Variants in CSMD1 observed in about 807,000 individuals in gnomAD.
CSMD1 encodes CUB and sushi domain-containing protein 1.
A neutral mutation model predicts 417.5 loss-of-function variants in CSMD1; 213 were observed. The observed-to-expected ratio is 0.51, with a 90% CI of 0.46 to 0.57. The LOEUF (loss-of-function observed/expected upper bound fraction) is 0.57. Among genes scored for constraint, CSMD1 ranks in the 20% least tolerant of loss-of-function variants. The probability of loss-of-function intolerance (pLI) is 0.00; values close to 1 mark genes in which losing one functional copy is unlikely to be tolerated. For synonymous variants in CSMD1, 2,862 were observed against 1,736.8 expected, an observed-to-expected ratio of 1.65 and a Z score of -16.11; for missense variants, 6,923 against 4,529.7, an observed-to-expected ratio of 1.53 and a Z score of -15.17.
intron 1 of CSMD1, among the ~76,000 whole-genome samples, chr8:4,660,216 C>A (rs986454552): frequency 6.6e-6 from 1 of 151,618 alleles, no homozygotes; most frequent in African/African-American, 2.4e-5. Flanking sequence ...TGTAGAAAAC[C>A]CCAAGGAATC....
At chr8:4,448,181 G>A (rs943325644) in intron 2 of CSMD1, among the ~76,000 whole-genome samples, 6 of 152,040 alleles carry the variant, frequency 3.9e-5, no homozygotes, top group Non-Finnish European at 8.8e-5. Flanking sequence ...TAACCATAAT[G>A]TCTATTTTTA....
At chr8:4,804,599 A>G (rs1004309690) in intron 1 of CSMD1, among the ~76,000 whole-genome samples, 4 of 152,000 alleles carry the variant, frequency 2.6e-5, no homozygotes, top group African/African-American at 7.2e-5. Context: ...AAGGAAGGAA[A>G]GTACGAAGGA....
At chr8:4,115,927 G>A (rs1334935282) in intron 3 of CSMD1, among the ~76,000 whole-genome samples, 4 of 152,030 alleles carry the variant, frequency 2.6e-5, no homozygotes, top group Non-Finnish European at 4.4e-5. Context: ...ACTGGGGGCA[G>A]GGAGAAGTAA....
chr8:3,908,695 G>C (rs922599143), intron 5 of CSMD1, among the ~76,000 whole-genome samples: 1 of 152,140 alleles, frequency 6.6e-6, no homozygotes, highest in Admixed American at 6.5e-5. Flanking sequence ...CTCTGGTGAA[G>C]CAATCGCTTA....
chr8:3,954,047 G>C (rs1443916604), intron 5 of CSMD1, among the ~76,000 whole-genome samples: 2 of 152,148 alleles, frequency 1.3e-5, no homozygotes, highest in Admixed American at 6.5e-5. Flanking sequence ...CACATGCTTG[G>C]GAGCTCCTGT....
At chr8:3,321,004 C>T (rs531436824) in intron 23 of CSMD1, among the ~76,000 whole-genome samples, 1 of 152,116 alleles carries the variant, frequency 6.6e-6, no homozygotes, top group East Asian at 1.9e-4. Flanking sequence ...CCATCTCTTC[C>T]CCAAAAATGG....
intron 2 of CSMD1, among the ~76,000 whole-genome samples, chr8:4,486,431 T>G (rs1230044565): frequency 2.0e-5 from 3 of 151,284 alleles, no homozygotes; most frequent in Non-Finnish European, 4.4e-5. Flanking sequence ...TTAATTATAA[T>G]ATAGTTGTGA....
At chr8:3,845,526 T>C (rs769171925) in intron 5 of CSMD1, among the ~76,000 whole-genome samples, 48 of 152,170 alleles carry the variant, frequency 3.2e-4, no homozygotes, top group Admixed American at 3.3e-4. Flanking sequence ...TGAATGGAGC[T>C]TGCAGGACCA....
At chr8:4,667,070 C>T (rs1237582184) in intron 1 of CSMD1, among the ~76,000 whole-genome samples, 2 of 152,080 alleles carry the variant, frequency 1.3e-5, no homozygotes, top group African/African-American at 4.8e-5. Context: ...TCTACATGTA[C>T]AGGTCCAGTT....
At chr8:4,340,122 T>C (rs1800392540) in intron 3 of CSMD1, among the ~76,000 whole-genome samples, 1 of 152,122 alleles carries the variant, frequency 6.6e-6, no homozygotes, top group African/African-American at 2.4e-5. Context: ...TTTGTTAATC[T>C]CTCCTCTTTC....
intron 2 of CSMD1, among the ~76,000 whole-genome samples, chr8:4,572,372 A>G (rs1798931723): frequency 6.6e-6 from 1 of 152,158 alleles, no homozygotes; most frequent in South Asian, 2.1e-4. Context: ...TCCTTCGCTT[A>G]TGAAGCTTAG....
intron 5 of CSMD1, among the ~76,000 whole-genome samples, chr8:3,990,163 G>T (rs1814636474): frequency 6.6e-6 from 1 of 152,066 alleles, no homozygotes; most frequent in Admixed American, 6.6e-5. Flanking sequence ...ATTGTTTCCA[G>T]GATTAAGGGC....
chr8:3,964,238 A>G (rs1812523145), intron 5 of CSMD1, among the ~76,000 whole-genome samples: 1 of 152,154 alleles, frequency 6.6e-6, no homozygotes, highest in South Asian at 2.1e-4. Flanking sequence ...ACTAAATTAT[A>G]CTTTTTGTGG....
chr8:3,437,993 A>T (rs373472456), intron 12 of CSMD1, among the ~76,000 whole-genome samples: 34 of 152,236 alleles, frequency 2.2e-4, no homozygotes, highest in Non-Finnish European at 4.6e-4. Flanking sequence ...CGCTCACCTC[A>T]GCCTCCCAAA....
chr8:4,584,493 T>C (rs913136199), intron 2 of CSMD1, among the ~76,000 whole-genome samples: 19 of 151,614 alleles, frequency 1.3e-4, no homozygotes, highest in African/African-American at 3.7e-4. Flanking sequence ...TCAGGCTTTC[T>C]GGGAAAGGGC....
chr8:4,944,387 A>G (rs895410495), intron 1 of CSMD1, among the ~76,000 whole-genome samples: 2 of 152,204 alleles, frequency 1.3e-5, no homozygotes, highest in Admixed American at 6.5e-5. Flanking sequence ...TGCTCAACAC[A>G]CTATTCAGAT....
chr8:4,943,509 G>GAAATAAAATAAAATA (rs71209140), intron 1 of CSMD1, among the ~76,000 whole-genome samples: 1 of 147,420 alleles, frequency 6.8e-6, no homozygotes, highest in Non-Finnish European at 1.5e-5. Context: ...AAAATAAAAT[G>GAAATAAAATAAAATA]AAATAAAATA....
chr8:4,337,688 A>T (rs1257604024), intron 3 of CSMD1, among the ~76,000 whole-genome samples: 1 of 152,168 alleles, frequency 6.6e-6, no homozygotes. Context: ...TTCTTTAAGC[A>T]TGCCAACTTT....
intron 17 of CSMD1, among the ~76,000 whole-genome samples, chr8:3,395,349 T>G (rs878958326): frequency 1.3e-5 from 2 of 152,210 alleles, no homozygotes; most frequent in Non-Finnish European, 2.9e-5. Flanking sequence ...GGAAGTGTTT[T>G]CAAACAGAGA....
Sources: allele counts gnomAD v4.1 joint callset (sites outside exome capture counted in the v4.1 genomes callset), GRCh38; gene constraint gnomAD v4.1.1; transcripts MANE v1.5; gene names NCBI Gene and HGNC (gene_info 2026-07-23, HGNC 2026-07-21).